GK: variants seen among roughly 807,000 people sequenced by gnomAD.
The protein encoded by GK is ATP:glycerol 3-phosphotransferase.
GK carries 9 observed loss-of-function variants against 56.4 expected under a neutral mutation model. That is an observed-to-expected ratio of 0.16 (90% CI 0.10 to 0.28). The LOEUF is 0.28. Ranked by LOEUF, GK falls within the 10% of genes least tolerant of loss-of-function variation. GK has a pLI of 1.00. For synonymous variants in GK, 104 were observed against 144.1 expected (o/e 0.72, Z 1.99); for missense variants, 161 against 431.4 (o/e 0.37, Z 5.55).
At chrX:30,719,142 C>A (rs1393253219) in intron 14 of GK, among the ~76,000 whole-genome samples, 1 of 111,092 alleles carries the variant, frequency 9.0e-6, no homozygotes, top group African/African-American at 3.3e-5. Context: ...AGTCAGCAAC[C>A]TTAAAAATAG....
At chrX:30,661,199 C>T (rs1377754077) in intron 1 of GK, among the ~76,000 whole-genome samples, 2 of 111,767 alleles carry the variant, frequency 1.8e-5, no homozygotes, top group Non-Finnish European at 3.8e-5. Context: ...ACATCTCAAA[C>T]ACACATTATC....
Position 30,653,458 on chromosome X carries a change from C to T in GK, c.-80C>T, listed in dbSNP as rs1931985421. ...GACGCGCGCGGCCTCGATCTCTGGA[C>T]TCGTCACCTGCCCCTCCCCCTCCCG... On this transcript the variant is annotated 5_prime_UTR_variant, in exon 1 of 21. Coordinates refer to ENST00000427190, the MANE Select transcript of GK (RefSeq NM_001205019.2). 1 of 890,628 alleles carries T rather than the reference C, an allele frequency of 1.1e-6. No individual in the cohort carries two copies. The highest frequency in any genetic ancestry group is 2.2e-5 in the Admixed American group (1 of 45,453). 73.4% of individuals were successfully genotyped at this position (890,628 alleles called of 1,213,427 possible).
intron 13 of GK, among the ~76,000 whole-genome samples, chrX:30,716,441 A>T (rs903634339): frequency 7.1e-5 from 8 of 112,080 alleles, no homozygotes; most frequent in African/African-American, 2.6e-4. Flanking sequence ...CAGATTTCAA[A>T]GATAGTACAA....
chrX:30,728,892 C>G lies in GK; in HGVS notation c.*150C>G. 2.1e-6 allele frequency: 1 copy of G among 470,401 alleles called. No individual in the cohort carries two copies. 38.8% of individuals were successfully genotyped at this position (470,401 alleles called of 1,213,427 possible). A position where few individuals can be genotyped will look rare whatever the true frequency, so the allele number is the denominator to read the frequency against. Reference sequence around the variant, plus strand: ...CATGACCCTCCAAGTAGACCTGTGGCTTAAAATAAAGAAAATGCAGCAAAA... The same window carrying G: ...CATGACCCTCCAAGTAGACCTGTGGGTTAAAATAAAGAAAATGCAGCAAAA... On this transcript the variant is annotated 3_prime_UTR_variant, in exon 21 of 21. Transcript: ENST00000427190.
intron 1 of GK, among the ~76,000 whole-genome samples, chrX:30,658,201 A>G (rs1932438700): frequency 8.9e-6 from 1 of 112,652 alleles, no homozygotes; most frequent in African/African-American, 3.2e-5. Context: ...TATTCAACAC[A>G]TTTATTAAGC....
intron 1 of GK, among the ~76,000 whole-genome samples, chrX:30,661,851 T>C (rs1347980693): frequency 3.6e-5 from 4 of 112,568 alleles, no homozygotes; most frequent in Non-Finnish European, 3.7e-5. Context: ...CTGCTATCTT[T>C]AATTGACAAT....
Position 30,697,744 on chromosome X carries a change from A to G in GK, c.742A>G (p.Ser248Gly), listed in dbSNP as rs982649950. Residue 248 changes from serine to glycine, a missense_variant, in exon 9 of 21, where the codon AGC becomes GGC. Ser to Gly is a moderately conservative substitution (Grantham distance 56). Coordinates refer to ENST00000427190, the MANE Select transcript of GK (RefSeq NM_001205019.2). The stretch of plus-strand genomic sequence containing the variant: ...TTGCTGACTATAGAAAATCTCTCAT[A>G]GCGTGGTGAGTAGGTTGCCCGCCAA... ...EIYGLMKISHSVKAGALEGVP... is the reference protein window; with the variant it reads ...EIYGLMKISHGVKAGALEGVP... 19 of 1,162,574 alleles carry G rather than the reference A, an allele frequency of 1.6e-5. No individual in the cohort carries two copies. The highest frequency in any genetic ancestry group is 2.2e-5 in the Non-Finnish European group (19 of 851,244).
Position 30,662,809 on chromosome X carries a change from T to TTC in GK, c.79-2678_79-2677dup, listed in dbSNP as rs368743449. ...TCTCTTTCTTTCCTTCCTTCCTTCCTTCTCTCTCTCTCTCTCTCTCTCTCT... is the reference window on the plus strand; with the variant it reads ...TCTCTTTCTTTCCTTCCTTCCTTCCTTCTCTCTCTCTCTCTCTCTCTCTCTCT... On this transcript the variant is annotated intron_variant, in intron 1 of 20. Transcript: ENST00000427190. Among the ~76,000 whole-genome samples the TTC allele has an allele frequency of 5.3e-3, 330 of 62,260 alleles. 4 individuals are homozygous for TTC. The highest frequency in any genetic ancestry group is 0.013 in the South Asian group (13 of 1,003). The allele number at this position is 62,260 out of a possible 115,157, so 54.1% of individuals were successfully genotyped here. A position where few individuals can be genotyped will look rare whatever the true frequency, so the allele number is the denominator to read the frequency against.
intron 13 of GK, among the ~76,000 whole-genome samples, chrX:30,714,132 G>T (rs1304444507): frequency 2.7e-5 from 3 of 111,734 alleles, no homozygotes. Context: ...ATGGTTTAAC[G>T]ATTATAGCGT....
At chrX:30,699,299 CAT>C (rs1320970387) in intron 9 of GK, among the ~76,000 whole-genome samples, 1 of 76,334 alleles carries the variant, frequency 1.3e-5, no homozygotes, top group East Asian at 4.2e-4. Context: ...TTATACATAA[CAT>C]GTATATATAT....
Position 30,697,735 on chromosome X carries a change from ATC to A in GK, c.738_739del (p.His247Ter). 8.6e-7 allele frequency: 1 copy of A among 1,168,385 alleles called. No individual in the cohort carries two copies. Among genetic ancestry groups the A allele is most frequent in the East Asian group, 3.0e-5 (1 of 33,633 alleles). Reference sequence around the variant, plus strand: ...CTCTCCCCCTTGCTGACTATAGAAAATCTCTCATAGCGTGGTGAGTAGGTTGC... The same window carrying A: ...CTCTCCCCCTTGCTGACTATAGAAAATCTCATAGCGTGGTGAGTAGGTTGC... ...SSSEIYGLMK[I>X]SHSVKAGALE... On this transcript the variant is annotated frameshift_variant, in exon 9 of 21. Coordinates refer to ENST00000427190, the MANE Select transcript of GK (RefSeq NM_001205019.2). LOFTEE classifies it high-confidence loss of function.
chrX:30,717,893 G>C (rs890912404), intron 13 of GK, among the ~76,000 whole-genome samples: 3 of 111,333 alleles, frequency 2.7e-5, no homozygotes, highest in Non-Finnish European at 5.7e-5. Context: ...GGCTCAGAAA[G>C]CCTAAGTAAC....
intron 4 of GK, chrX:30,677,935 T>G (rs936239003): frequency 3.8e-6 from 2 of 528,180 alleles, no homozygotes; most frequent in African/African-American, 4.6e-5. Flanking sequence ...TATTTACCAT[T>G]TTTGGATCAT....
intron 13 of GK, among the ~76,000 whole-genome samples, chrX:30,716,782 C>A (rs1001214999): frequency 8.9e-6 from 1 of 111,905 alleles, no homozygotes. Flanking sequence ...AATACAACAA[C>A]TTATTTTAGG....
At chrX:30,689,648 T>A (rs1324229045) in intron 4 of GK, 1 of 311,111 alleles carries the variant, frequency 3.2e-6, no homozygotes, top group Non-Finnish European at 6.3e-6. Flanking sequence ...GAAGAGGGAC[T>A]CTTGCAGACT....
chrX:30,717,580 T>A (rs1212341075), intron 13 of GK, among the ~76,000 whole-genome samples: 4 of 111,280 alleles, frequency 3.6e-5, no homozygotes, highest in African/African-American at 1.3e-4. Context: ...GTACAATATA[T>A]CGTCTTCTGT....
chrX:30,703,157 G>A (rs1187791144), intron 11 of GK, among the ~76,000 whole-genome samples: 1 of 112,224 alleles, frequency 8.9e-6, no homozygotes, highest in Admixed American at 9.5e-5. Context: ...ATTGAACAAA[G>A]ATACGTATGG....
chrX:30,659,060 CTCT>C (rs1171165418), intron 1 of GK, among the ~76,000 whole-genome samples: 2 of 112,308 alleles, frequency 1.8e-5, no homozygotes, highest in East Asian at 5.6e-4. Context: ...CAGAGTTTCA[CTCT>C]TCTTGTTGCC....
intron 3 of GK, chrX:30,674,228 T>G (rs1376322407): frequency 9.3e-6 from 3 of 322,378 alleles, no homozygotes; most frequent in South Asian, 2.7e-5. Context: ...AATTGGAATT[T>G]GAATCCCAGC....
Sources: allele counts gnomAD v4.1 joint callset (sites outside exome capture counted in the v4.1 genomes callset), GRCh38; gene constraint gnomAD v4.1.1; transcripts MANE v1.5; gene names NCBI Gene and HGNC (gene_info 2026-07-23, HGNC 2026-07-21).